The following SYCE2 variants were observed in gnomAD, a reference collection of about 807,000 sequenced individuals.
SYCE2 encodes the protein synaptonemal complex central element protein 2.
In SYCE2, 3 loss-of-function variants were observed where a neutral mutation model predicts 27.9. That is an observed-to-expected ratio of 0.11 (90% CI 0.05 to 0.28). The LOEUF is 0.28. Among genes scored for constraint, SYCE2 ranks in the 10% least tolerant of loss-of-function variants. The pLI, the probability that SYCE2 is intolerant of heterozygous loss-of-function variation, is 1.00. For synonymous variants in SYCE2, 85 were observed against 100.7 expected, an observed-to-expected ratio of 0.84 and a Z score of 0.93; for missense variants, 207 against 263.5, an observed-to-expected ratio of 0.79 and a Z score of 1.48.
In SYCE2 at chr19:12,899,088, C is replaced by G. The variant is rs1970768218; in HGVS notation, c.*253G>C. Reference sequence around the variant, plus strand: ...AAGGAAGCGTGGCCAGGTTGAAAATCAAACATTTAATAAACTGTGGGGCTG... The same window carrying G: ...AAGGAAGCGTGGCCAGGTTGAAAATGAAACATTTAATAAACTGTGGGGCTG... On this transcript the variant is annotated 3_prime_UTR_variant, in exon 6 of 6. Coordinates refer to ENST00000293695, the MANE Select transcript of SYCE2 (RefSeq NM_001105578.2). 1 of 544,776 alleles carries G rather than the reference C, an allele frequency of 1.8e-6. No individual in the cohort carries two copies. The highest frequency in any genetic ancestry group is 3.3e-6 in the Non-Finnish European group (1 of 304,558). The allele number at this position is 544,776 out of a possible 1,614,324, so 33.7% of individuals were successfully genotyped here.
chr19:12,918,415 C>A, intron 1 of SYCE2, 78 bp from the exon 2 acceptor site: 3 of 1,341,662 alleles, frequency 2.2e-6, no homozygotes, highest in Non-Finnish European at 3.2e-6. Context: ...ACCCTTCAAC[C>A]CTGGTCACCT....
At chr19:12,910,424 C>A (rs1027655700) in intron 2 of SYCE2, among the ~76,000 whole-genome samples, 1 of 151,724 alleles carries the variant, frequency 6.6e-6, no homozygotes, top group Non-Finnish European at 1.5e-5. Flanking sequence ...GTCGCTCAGG[C>A]TGGAGTGGTG....
At chr19:12,900,309 A>C in intron 4 of SYCE2, 151 bp downstream of exon 4, 1 of 1,081,642 alleles carries the variant, frequency 9.2e-7, no homozygotes, top group South Asian at 1.7e-5. Context: ...AGGGGATCAC[A>C]AACAAGATGG....
chr19:12,905,522 G>A (rs1273898240), intron 2 of SYCE2, among the ~76,000 whole-genome samples: 5 of 152,028 alleles, frequency 3.3e-5, no homozygotes, highest in South Asian at 2.1e-4. Context: ...TAGTAGAGAC[G>A]GGGTTTCACC....
chr19:12,909,844 G>A (rs1411498652), intron 2 of SYCE2, among the ~76,000 whole-genome samples: 26 of 151,898 alleles, frequency 1.7e-4, no homozygotes, highest in Admixed American at 1.7e-3. Flanking sequence ...GGGATTACAG[G>A]CATGAACCAC....
At chr19:12,908,555 ACCT>A (rs1970984641) in intron 2 of SYCE2, among the ~76,000 whole-genome samples, 1 of 151,664 alleles carries the variant, frequency 6.6e-6, no homozygotes, top group Non-Finnish European at 1.5e-5. Flanking sequence ...CCATCTCGTG[ACCT>A]CATGATCTGC....
At chr19:12,909,016 C>CG (rs1402623551) in intron 2 of SYCE2, among the ~76,000 whole-genome samples, 3 of 152,228 alleles carry the variant, frequency 2.0e-5, no homozygotes, top group Non-Finnish European at 4.4e-5. Context: ...GATCCCTGAA[C>CG]AGTCCCCTTT....
At chr19:12,899,780 G>C in intron 5 of SYCE2, 1 of 1,601,754 alleles carries the variant, frequency 6.2e-7, no homozygotes, top group African/African-American at 1.3e-5. Flanking sequence ...GATGAGAGCA[G>C]ACTCCATTTA....
At chr19:12,915,998 G>A (rs1056433695) in intron 2 of SYCE2, among the ~76,000 whole-genome samples, 1 of 152,150 alleles carries the variant, frequency 6.6e-6, no homozygotes, top group Non-Finnish European at 1.5e-5. Context: ...AACAGCAGGA[G>A]GGTATGAGCA....
intron 3 of SYCE2, among the ~76,000 whole-genome samples, chr19:12,903,726 C>T (rs892129452): frequency 2.6e-5 from 4 of 151,992 alleles, no homozygotes; most frequent in African/African-American, 9.7e-5. Flanking sequence ...CTCTCTAGCC[C>T]AGGCTGCAGT....
intron 2 of SYCE2, among the ~76,000 whole-genome samples, chr19:12,908,184 C>A (rs1423774624): frequency 2.0e-5 from 3 of 151,898 alleles, no homozygotes; most frequent in Non-Finnish European, 4.4e-5. Context: ...TACACCCCTC[C>A]CCTCTCCACC....
intron 1 of SYCE2, among the ~76,000 whole-genome samples, chr19:12,918,956 A>AG (rs2145986768): frequency 1.1e-5 from 1 of 92,056 alleles, no homozygotes; most frequent in East Asian, 5.4e-4. Context: ...GTCTCAAAAA[A>AG]AAAAAAAAAA....
At chr19:12,900,781 T>C in intron 3 of SYCE2, 133 bp from the exon 4 acceptor site, 1 of 862,224 alleles carries the variant, frequency 1.2e-6, no homozygotes, top group Admixed American at 2.5e-5. Context: ...CGGTGGCTCA[T>C]GCCTGTAACC....
chr19:12,908,276 C>CTTT (rs34286819), intron 2 of SYCE2, among the ~76,000 whole-genome samples: 2 of 85,518 alleles, frequency 2.3e-5, no homozygotes, highest in African/African-American at 9.8e-5. Context: ...ATTTTCTGGG[C>CTTT]TTTTTTTTTT....
chr19:12,904,027 C>T (rs560679811), intron 3 of SYCE2, among the ~76,000 whole-genome samples: 1 of 152,280 alleles, frequency 6.6e-6, no homozygotes, highest in Admixed American at 6.5e-5. Context: ...ACAGACCATT[C>T]GATGGCTTCT....
rs1480096354 is a variant in SYCE2 at position 12,899,012 on chromosome 19, A to G, written c.*329T>C. The G allele has an allele frequency of 7.8e-6, 3 of 382,792 alleles. No individual in the cohort carries two copies. Among genetic ancestry groups the G allele is most frequent in the South Asian group, 2.5e-5 (1 of 40,142 alleles). The allele number at this position is 382,792 out of a possible 1,614,324, so 23.7% of individuals were successfully genotyped here. On this transcript the variant is annotated 3_prime_UTR_variant, in exon 6 of 6. Coordinates refer to ENST00000293695, the MANE Select transcript of SYCE2 (RefSeq NM_001105578.2). ...CTCCTATCCCTCCCGAGGGTAAGAA[A>G]GGGCTTGCTGTGTTTCCTTGGAGCT...
chr19:12,914,435 A>G (rs1971100436), intron 2 of SYCE2, among the ~76,000 whole-genome samples: 1 of 152,084 alleles, frequency 6.6e-6, no homozygotes, highest in South Asian at 2.1e-4. Flanking sequence ...CCAGTACATC[A>G]TGGCCGGGAA....
chr19:12,910,955 G>A (rs558716826), intron 2 of SYCE2, among the ~76,000 whole-genome samples: 113 of 152,044 alleles, frequency 7.4e-4, no homozygotes, highest in Non-Finnish European at 7.8e-4. Context: ...GGGATTACAG[G>A]CGTGAGCCAC....
rs1970900635 is a variant in SYCE2, at chr19:12,904,673, G to T, written c.132-7C>A. The T allele has an allele frequency of 2.5e-6, 4 of 1,613,196 alleles. No homozygotes were observed. The East Asian group carries it at 8.9e-5, about 36-fold the overall frequency. On this transcript the variant is annotated splice_region_variant and splice_polypyrimidine_tract_variant and intron_variant, in intron 2 of 5. Coordinates refer to ENST00000293695, the MANE Select transcript of SYCE2 (RefSeq NM_001105578.2). ...CGTCAGCTGGCAACTGGCACTGGAG[G>T]TGGCGACACAAGGGCAAGAAACCTG...
Sources: allele counts gnomAD v4.1 joint callset (sites outside exome capture counted in the v4.1 genomes callset), GRCh38; gene constraint gnomAD v4.1.1; transcripts MANE v1.5; gene names NCBI Gene and HGNC (gene_info 2026-07-23, HGNC 2026-07-21).